The following AGBL4 variants were observed in gnomAD, a reference collection of about 807,000 sequenced individuals.
AGBL4 encodes AGBL carboxypeptidase 4, also known as cytosolic carboxypeptidase 6.
In AGBL4, 58 loss-of-function variants were observed where a neutral mutation model predicts 66.4. That is an observed-to-expected ratio of 0.87 (90% confidence interval 0.71 to 1.09). The LOEUF (loss-of-function observed/expected upper bound fraction) is 1.09. Among genes scored for constraint, AGBL4 ranks in the 50% least tolerant of loss-of-function variants. AGBL4 has a pLI of 0.00. For missense variants in AGBL4, 579 were observed against 631.0 expected, an observed-to-expected ratio of 0.92 and a Z score of 0.88; for synonymous variants, 234 against 222.9, an observed-to-expected ratio of 1.05 and a Z score of -0.44.
intron 4 of AGBL4, among the ~76,000 whole-genome samples, chr1:49,120,851 A>G (rs1018697849): frequency 1.9e-4 from 29 of 152,136 alleles, no homozygotes; most frequent in Admixed American, 6.5e-4. Flanking sequence ...CCAATCCAAC[A>G]TAGATTTGGT....
intron 5 of AGBL4, among the ~76,000 whole-genome samples, chr1:48,953,988 A>G (rs1215798798): frequency 6.6e-6 from 1 of 152,308 alleles, no homozygotes; most frequent in East Asian, 1.9e-4. Context: ...CAGACAAATG[A>G]TGAGTAGTAC....
chr1:48,728,355 A>G (rs1647519488), intron 6 of AGBL4, among the ~76,000 whole-genome samples: 1 of 148,808 alleles, frequency 6.7e-6, no homozygotes, highest in Admixed American at 6.7e-5. Context: ...AGAGATAACC[A>G]TTCTCCTGAA....
chr1:49,282,727 G>T lies in AGBL4; in HGVS notation c.283-36863C>A, dbSNP rs373545791. ...CACTTGGGAAGCGCAAGGGGTCAGG[G>T]AGTTCCCTTTACGAGTCAAAGAAAG... is the stretch of plus-strand genomic sequence containing the variant. On this transcript the variant is annotated intron_variant, in intron 3 of 13. Coordinates refer to ENST00000371839, the MANE Select transcript of AGBL4 (RefSeq NM_032785.4). 3.3e-4 allele frequency among the ~76,000 whole-genome samples: 50 copies of T among 152,322 alleles called. 1 individual carries two copies. In the South Asian group the frequency reaches 9.5e-3, roughly 29 times the overall value.
At chr1:49,297,480 G>C (rs1644665172) in intron 3 of AGBL4, among the ~76,000 whole-genome samples, 2 of 152,222 alleles carry the variant, frequency 1.3e-5, no homozygotes, top group South Asian at 4.1e-4. Flanking sequence ...AAGCTGGAGA[G>C]GTAAGCTGTG....
chr1:48,583,601 C>T (rs1439089524), intron 11 of AGBL4, among the ~76,000 whole-genome samples: 1 of 152,166 alleles, frequency 6.6e-6, no homozygotes, highest in Non-Finnish European at 1.5e-5. Flanking sequence ...GGTCCTTGGT[C>T]CCTTTGTAAT....
At chr1:49,658,767 C>T (rs1325224006) in intron 3 of AGBL4, among the ~76,000 whole-genome samples, 2 of 151,466 alleles carry the variant, frequency 1.3e-5, no homozygotes, top group Admixed American at 1.3e-4. Flanking sequence ...GACAAAAAAC[C>T]AAACACCGCA....
intron 4 of AGBL4, among the ~76,000 whole-genome samples, chr1:49,079,672 G>A (rs925905496): frequency 6.6e-6 from 1 of 152,174 alleles, no homozygotes; most frequent in Non-Finnish European, 1.5e-5. Flanking sequence ...GGCTTACTCT[G>A]AAATCCTAAC....
At chr1:49,276,835 G>A (rs1644177795) in intron 3 of AGBL4, among the ~76,000 whole-genome samples, 1 of 152,114 alleles carries the variant, frequency 6.6e-6, no homozygotes, top group South Asian at 2.1e-4. Context: ...ACTGGGGGTT[G>A]GGGTAATCAT....
At chr1:49,641,564 G>C (rs754435738) in intron 3 of AGBL4, among the ~76,000 whole-genome samples, 3 of 152,004 alleles carry the variant, frequency 2.0e-5, no homozygotes, top group Admixed American at 1.3e-4. Flanking sequence ...TATCTTAGAG[G>C]CATTTATTAT....
intron 1 of AGBL4, among the ~76,000 whole-genome samples, chr1:49,889,253 C>T (rs1373929839): frequency 6.6e-6 from 1 of 152,102 alleles, no homozygotes; most frequent in Non-Finnish European, 1.5e-5. Flanking sequence ...GCAGGAGGTT[C>T]ACTTGAGCCC....
intron 3 of AGBL4, among the ~76,000 whole-genome samples, chr1:49,362,603 C>T (rs1644164059): frequency 6.6e-6 from 1 of 152,124 alleles, no homozygotes; most frequent in African/African-American, 2.4e-5. Context: ...CACTCTCCCT[C>T]TCAGAGCTCG....
At chr1:49,805,592 A>G (rs544659593) in intron 2 of AGBL4, among the ~76,000 whole-genome samples, 1 of 152,362 alleles carries the variant, frequency 6.6e-6, no homozygotes, top group African/African-American at 2.4e-5. Flanking sequence ...GATGTCCTTG[A>G]GTAGCTGAAA....
At chr1:49,556,532 AT>A in intron 3 of AGBL4, among the ~76,000 whole-genome samples, 1 of 150,646 alleles carries the variant, frequency 6.6e-6, no homozygotes, top group Non-Finnish European at 1.5e-5. Context: ...ATATATATAT[AT>A]ATAAACAAAT....
At chr1:49,382,459 T>C (rs1644640011) in intron 3 of AGBL4, among the ~76,000 whole-genome samples, 1 of 151,864 alleles carries the variant, frequency 6.6e-6, no homozygotes, top group African/African-American at 2.4e-5. Context: ...CAAAATTCAA[T>C]ACCCTTTCAT....
intron 3 of AGBL4, among the ~76,000 whole-genome samples, chr1:49,394,157 A>G (rs1434918946): frequency 6.6e-6 from 1 of 151,914 alleles, no homozygotes. Context: ...TGCAGCTGAA[A>G]TGGAGCAGAC....
chr1:49,942,782 A>G (rs190770664), intron 1 of AGBL4, among the ~76,000 whole-genome samples: 8 of 152,294 alleles, frequency 5.3e-5, no homozygotes, highest in Admixed American at 5.2e-4. Flanking sequence ...GAATTTTTGT[A>G]CATGGTATCA....
At chr1:48,811,872 C>G (rs531072974) in intron 6 of AGBL4, among the ~76,000 whole-genome samples, 1 of 152,150 alleles carries the variant, frequency 6.6e-6, no homozygotes, top group Non-Finnish European at 1.5e-5. Flanking sequence ...CAGGGCATGG[C>G]TATCTCTGAT....
intron 6 of AGBL4, among the ~76,000 whole-genome samples, chr1:48,711,141 C>T (rs761792555): frequency 1.4e-4 from 22 of 152,178 alleles, no homozygotes; most frequent in Admixed American, 3.3e-4. Flanking sequence ...AGCTCCAGCC[C>T]AGCCCATGGT....
chr1:49,708,172 C>T (rs1192707758), intron 2 of AGBL4, among the ~76,000 whole-genome samples: 1 of 152,082 alleles, frequency 6.6e-6, no homozygotes, highest in Non-Finnish European at 1.5e-5. Context: ...CATTCTCCCC[C>T]TCATTTTCAG....
Sources: gnomAD v4.1 joint callset for allele counts (sites outside exome capture counted in the v4.1 genomes callset) on GRCh38, gnomAD v4.1.1 for gene constraint, MANE v1.5 for transcripts, NCBI Gene and HGNC (gene_info 2026-07-23, HGNC 2026-07-21) for gene names.